The following SIPA1L1 variants were observed in gnomAD, a reference collection of about 807,000 sequenced individuals.
SIPA1L1 encodes signal induced proliferation associated 1 like 1, also known as signal-induced proliferation-associated 1-like protein 1.
A neutral mutation model predicts 162.7 loss-of-function variants in SIPA1L1; 26 were observed. The observed-to-expected ratio is 0.16, with a 90% CI of 0.12 to 0.22. SIPA1L1 has a LOEUF of 0.22. SIPA1L1 is among the 10% of genes least tolerant of loss of function. The pLI, the probability that SIPA1L1 is intolerant of heterozygous loss-of-function variation, is 1.00. For missense variants in SIPA1L1, 1,874 were observed against 2,241.0 expected, an observed-to-expected ratio of 0.84 and a Z score of 3.31; for synonymous variants, 829 against 837.4, an observed-to-expected ratio of 0.99 and a Z score of 0.17.
At chr14:71,408,693 A>G (rs897566990) in intron 2 of SIPA1L1, among the ~76,000 whole-genome samples, 1 of 152,128 alleles carries the variant, frequency 6.6e-6, no homozygotes, top group East Asian at 1.9e-4. Context: ...CTTTACTCAA[A>G]ACTCTCTGGG....
Position 71,730,046 on chromosome 14 carries a change from G to A in SIPA1L1, c.4615-9G>A. ...ATTGACTTTCTTTTGTCTTGATCCT[G>A]TTTTTCAGTTCCACGCACTCTCCTC... is the stretch of plus-strand genomic sequence containing the variant. On this transcript the variant is annotated splice_polypyrimidine_tract_variant and intron_variant, in intron 19 of 23. Coordinates refer to ENST00000381232, the MANE Select transcript of SIPA1L1 (RefSeq NM_001386936.1). The A allele has an allele frequency of 6.2e-7, 1 of 1,610,964 alleles. No individual in the cohort carries two copies. The highest frequency in any genetic ancestry group is 1.7e-4 in the Middle Eastern group (1 of 6,042).
At chr14:71,601,094 TTCTTTTACCTGATTGC>T (rs1055440045) in intron 5 of SIPA1L1, among the ~76,000 whole-genome samples, 7 of 152,328 alleles carry the variant, frequency 4.6e-5, no homozygotes, top group African/African-American at 1.4e-4. Flanking sequence ...TTTTCTTTCT[TTCTTTTACCTGATTGC>T]TCTGGCTTGA....
At chr14:71,570,473 T>C (rs191889368) in intron 4 of SIPA1L1, among the ~76,000 whole-genome samples, 1 of 152,120 alleles carries the variant, frequency 6.6e-6, no homozygotes, top group Non-Finnish European at 1.5e-5. Context: ...CCATGTTGCC[T>C]AGGCTGGTCT....
intron 2 of SIPA1L1, among the ~76,000 whole-genome samples, chr14:71,455,618 T>C (rs1313759164): frequency 1.3e-5 from 2 of 152,188 alleles, no homozygotes; most frequent in African/African-American, 2.4e-5. Context: ...TAATTTAATT[T>C]ATATGTGGGA....
At chr14:71,552,359 G>T (rs1426962394) in intron 4 of SIPA1L1, among the ~76,000 whole-genome samples, 3 of 151,326 alleles carry the variant, frequency 2.0e-5, no homozygotes, top group African/African-American at 7.3e-5. Flanking sequence ...TAAAATTTTA[G>T]GTTTATTTAC....
chr14:71,550,580 A>G (rs898940796), intron 4 of SIPA1L1, among the ~76,000 whole-genome samples: 16 of 152,064 alleles, frequency 1.1e-4, no homozygotes, highest in South Asian at 2.1e-4. Flanking sequence ...TCTGTGAAAA[A>G]GAGAAAGACA....
intron 2 of SIPA1L1, among the ~76,000 whole-genome samples, chr14:71,483,940 G>C (rs569393726): frequency 3.9e-5 from 6 of 152,272 alleles, no homozygotes; most frequent in Admixed American, 3.3e-4. Flanking sequence ...CCCCACCTCT[G>C]CACTCCGTAG....
chr14:71,530,775 T>TG (rs2053367089), intron 4 of SIPA1L1, among the ~76,000 whole-genome samples: 1 of 152,248 alleles, frequency 6.6e-6, no homozygotes, highest in African/African-American at 2.4e-5. Flanking sequence ...ATTATTCCCA[T>TG]GCATTTGTTT....
chr14:71,738,046 T>A (rs1861558044), intron 22 of SIPA1L1, among the ~76,000 whole-genome samples, 195 bp from the exon 23 acceptor site: 1 of 152,234 alleles, frequency 6.6e-6, no homozygotes, highest in African/African-American at 2.4e-5. Context: ...GTTCAAGCTT[T>A]TATTACCTTT....
Position 71,739,557 on chromosome 14 carries a change from T to C in SIPA1L1, c.*396T>C, listed in dbSNP as rs1420879300. Reference sequence around the variant, plus strand: ...AGGTAACCCAAGCTTTCCCTTGTTATTCTAACAAATATCATTATTCCTAGA... The same window carrying C: ...AGGTAACCCAAGCTTTCCCTTGTTACTCTAACAAATATCATTATTCCTAGA... On this transcript the variant is annotated 3_prime_UTR_variant, in exon 24 of 24. Transcript: ENST00000381232. 1 of 153,186 alleles carries C rather than the reference T, an allele frequency of 6.5e-6. No individual in the cohort carries two copies. The highest frequency in any genetic ancestry group is 2.4e-5 in the African/African-American group (1 of 41,500). 9.5% of individuals were successfully genotyped at this position (153,186 alleles called of 1,614,324 possible).
At chr14:71,365,480 C>G (rs547160674) in intron 2 of SIPA1L1, among the ~76,000 whole-genome samples, 74 of 152,092 alleles carry the variant, frequency 4.9e-4, no homozygotes, top group Non-Finnish European at 9.4e-4. Flanking sequence ...TCATGACTGC[C>G]TTTGTGTCGT....
chr14:71,351,190 GATAA>G lies in SIPA1L1; in HGVS notation c.-465+30013_-465+30016del, dbSNP rs2036668499. Among the ~76,000 whole-genome samples the G allele has an allele frequency of 5.9e-5, 9 of 152,158 alleles. No homozygotes were observed. In the South Asian group the frequency reaches 1.9e-3, roughly 32 times the overall value. On this transcript the variant is annotated intron_variant, in intron 2 of 23. Coordinates refer to ENST00000381232, the MANE Select transcript of SIPA1L1 (RefSeq NM_001386936.1). ...CAAGTACAGTATAATTACATAAACA[GATAA>G]ATAGTTTTTCTGTGATACTAAAATT...
In SIPA1L1 at chr14:71,587,705, T is replaced by C; in HGVS notation, c.-168T>C. On this transcript the variant is annotated 5_prime_UTR_variant, in exon 5 of 24. Transcript: ENST00000381232. The stretch of plus-strand genomic sequence containing the variant: ...TATAACGTTTAGAAGTTCCAATTTT[T>C]CAGTGCTTTACAAATAAAGCATCAT... The C allele has an allele frequency of 1.5e-6, 1 of 660,452 alleles. No homozygotes were observed. Among genetic ancestry groups the C allele is most frequent in the East Asian group, 2.6e-5 (1 of 38,548 alleles). 40.9% of individuals were successfully genotyped at this position (660,452 alleles called of 1,614,324 possible). A position where few individuals can be genotyped will look rare whatever the true frequency, so the allele number is the denominator to read the frequency against.
chr14:71,531,847 A>G (rs990439366), intron 4 of SIPA1L1, among the ~76,000 whole-genome samples: 1 of 152,194 alleles, frequency 6.6e-6, no homozygotes, highest in Admixed American at 6.5e-5. Context: ...CATTCAAAAA[A>G]CTAATTCCCT....
intron 13 of SIPA1L1, among the ~76,000 whole-genome samples, chr14:71,696,270 C>G (rs2081621586): frequency 6.6e-6 from 1 of 152,190 alleles, no homozygotes; most frequent in Non-Finnish European, 1.5e-5. Context: ...CTTCTTTCTT[C>G]TCACCACATT....
At chr14:71,491,859 C>T (rs2049312298) in intron 2 of SIPA1L1, among the ~76,000 whole-genome samples, 1 of 146,178 alleles carries the variant, frequency 6.8e-6, no homozygotes. Flanking sequence ...TTGTAGGCTA[C>T]ATTTTCAGTA....
intron 5 of SIPA1L1, among the ~76,000 whole-genome samples, chr14:71,608,296 G>C (rs1164583568): frequency 6.6e-6 from 1 of 152,180 alleles, no homozygotes; most frequent in Admixed American, 6.5e-5. Flanking sequence ...TGCCTTAACT[G>C]AATTTCTGGC....
intron 2 of SIPA1L1, among the ~76,000 whole-genome samples, chr14:71,343,431 G>A (rs2035852085): frequency 6.6e-6 from 1 of 152,156 alleles, no homozygotes. Context: ...GAAGAATAGA[G>A]AAAAATATCT....
At chr14:71,565,225 C>T (rs1474448181) in intron 4 of SIPA1L1, among the ~76,000 whole-genome samples, 1 of 152,156 alleles carries the variant, frequency 6.6e-6, no homozygotes, top group Admixed American at 6.5e-5. Context: ...TTCTGTTGAT[C>T]AATTTTTGTC....
Sources: allele counts gnomAD v4.1 joint callset (sites outside exome capture counted in the v4.1 genomes callset), GRCh38; gene constraint gnomAD v4.1.1; transcripts MANE v1.5; gene names NCBI Gene and HGNC (gene_info 2026-07-23, HGNC 2026-07-21).